The following PAK1 variants were observed in gnomAD, a reference collection of about 807,000 sequenced individuals.
PAK1 encodes the protein serine/threonine-protein kinase PAK 1.
In PAK1, 29 loss-of-function variants were observed where a neutral mutation model predicts 67.4. That is an observed-to-expected ratio of 0.43 (90% confidence interval 0.32 to 0.59). PAK1 has a LOEUF of 0.59. Ranked by LOEUF, PAK1 falls within the 20% of genes least tolerant of loss-of-function variation. The probability of loss-of-function intolerance (pLI) is 0.07; values close to 1 mark genes in which losing one functional copy is unlikely to be tolerated. For missense variants in PAK1, 337 were observed against 670.7 expected, an observed-to-expected ratio of 0.50 and a Z score of 5.50; for synonymous variants, 223 against 237.4, an observed-to-expected ratio of 0.94 and a Z score of 0.56.
At chr11:77,419,647 G>A (rs1955153206) in intron 1 of PAK1, among the ~76,000 whole-genome samples, 1 of 152,152 alleles carries the variant, frequency 6.6e-6, no homozygotes, top group Non-Finnish European at 1.5e-5. Flanking sequence ...TTTTTACTGG[G>A]TTCTTTTGCA....
chr11:77,327,509 C>A (rs1386913255), intron 14 of PAK1, among the ~76,000 whole-genome samples: 38 of 152,186 alleles, frequency 2.5e-4, no homozygotes, highest in Non-Finnish European at 2.1e-4. Context: ...AATTTTCAAC[C>A]CAGAATTTCA....
chr11:77,379,707 C>T (rs186014317), intron 3 of PAK1, among the ~76,000 whole-genome samples, 187 bp downstream of exon 3: 7 of 152,236 alleles, frequency 4.6e-5, no homozygotes, highest in East Asian at 1.9e-4. Flanking sequence ...ATTTAAGGAA[C>T]GGAGATGGAA....
rs7112179 is a variant in PAK1 at position 77,437,434 on chromosome 11, G to A, written c.-22+36118C>T. ...GGCTTAGAACAGTGTCTGGTACACA[G>A]TGAGTGCTAAATAAGATTATAATAA... is the stretch of plus-strand genomic sequence containing the variant. On this transcript the variant is annotated intron_variant, in intron 1 of 14. Coordinates refer to ENST00000356341, the MANE Select transcript of PAK1 (RefSeq NM_002576.5). Among the ~76,000 whole-genome samples the A allele has an allele frequency of 5.7e-3, 868 of 152,334 alleles. 5 individuals carry two copies. The highest frequency in any genetic ancestry group is 0.02 in the African/African-American group (823 of 41,576).
chr11:77,381,456 A>G (rs1371425929), intron 2 of PAK1, among the ~76,000 whole-genome samples: 3 of 152,236 alleles, frequency 2.0e-5, no homozygotes, highest in African/African-American at 4.8e-5. Context: ...AGACTTGCCT[A>G]CAATCATTAA....
chr11:77,465,427 TTA>T (rs1449637894), intron 1 of PAK1, among the ~76,000 whole-genome samples: 2 of 152,076 alleles, frequency 1.3e-5, no homozygotes, highest in Non-Finnish European at 2.9e-5. Flanking sequence ...AGCACAAAAA[TTA>T]TATATATAAT....
At chr11:77,460,845 T>C (rs1957312618) in intron 1 of PAK1, among the ~76,000 whole-genome samples, 2 of 152,024 alleles carry the variant, frequency 1.3e-5, no homozygotes, top group South Asian at 4.1e-4. Context: ...CTGTGATATA[T>C]GAGGCAAAGT....
chr11:77,472,365 G>C (rs934908959), intron 1 of PAK1, among the ~76,000 whole-genome samples: 9 of 152,182 alleles, frequency 5.9e-5, no homozygotes, highest in African/African-American at 2.2e-4. Flanking sequence ...GAACCAAAAT[G>C]TTGTAAGTGC....
the PAK1 span, among the ~76,000 whole-genome samples, chr11:77,495,415 A>G: frequency 1.3e-5 from 2 of 152,158 alleles, no homozygotes; most frequent in East Asian, 1.9e-4. Flanking sequence ...TAGAGGTTGT[A>G]GTGAGCCAAG....
At chr11:77,482,567 A>G in the PAK1 span, among the ~76,000 whole-genome samples, 1 of 151,476 alleles carries the variant, frequency 6.6e-6, no homozygotes, top group African/African-American at 2.4e-5. Flanking sequence ...ATGTCTAAAA[A>G]TGATTTTATT....
the PAK1 span, among the ~76,000 whole-genome samples, chr11:77,490,294 C>CCT: frequency 1.1e-5 from 1 of 87,532 alleles, no homozygotes; most frequent in African/African-American, 5.2e-5. Flanking sequence ...GGGTCAGCCC[C>CCT]CCCACCCGGC....
intron 1 of PAK1, among the ~76,000 whole-genome samples, chr11:77,439,360 T>C (rs927656224): frequency 3.9e-5 from 6 of 151,972 alleles, no homozygotes; most frequent in African/African-American, 1.4e-4. Flanking sequence ...AAATTATATA[T>C]ATACATAAAA....
intron 1 of PAK1, among the ~76,000 whole-genome samples, chr11:77,413,288 A>T (rs1365470506): frequency 6.6e-6 from 1 of 152,242 alleles, no homozygotes; most frequent in African/African-American, 2.4e-5. Context: ...AACTTCTCTC[A>T]GAGGTTCAGG....
chr11:77,472,049 C>A (rs919848519), intron 1 of PAK1, among the ~76,000 whole-genome samples: 1 of 152,110 alleles, frequency 6.6e-6, no homozygotes, highest in African/African-American at 2.4e-5. Context: ...TCTACCTCAC[C>A]CATTAGACTT....
At chr11:77,414,188 T>C (rs2852391) in intron 1 of PAK1, among the ~76,000 whole-genome samples, 2,795 of 152,344 alleles carry the variant, frequency 0.018, 144 homozygotes, top group East Asian at 0.18. Flanking sequence ...CCCTCCACTT[T>C]TTCTCTTCTC....
chr11:77,494,690 C>T, the PAK1 span, among the ~76,000 whole-genome samples: 89 of 151,264 alleles, frequency 5.9e-4, no homozygotes, highest in African/African-American at 1.8e-3. Context: ...ATGATACAGA[C>T]ACCATGGAAA....
At position 77,358,944 on chromosome 11, in the gene PAK1, G is replaced by GCAT. The variant is rs149665907; in HGVS notation, c.548_550dup (p.Asp183dup). 2.5e-3 allele frequency: 4,085 copies of GCAT among 1,612,942 alleles called. 10 individuals carry two copies. The highest frequency in any genetic ancestry group is 3.1e-3 in the Non-Finnish European group (3,686 of 1,179,140). ...TGGAGCAATCACTGGTGGTGGGGTA[G>GCAT]CATCATCATCATCATCATCCTCATC... On this transcript the variant is annotated inframe_insertion, in exon 6 of 15. Transcript: ENST00000356341.
chr11:77,442,959 A>C (rs1448542615), intron 1 of PAK1, among the ~76,000 whole-genome samples: 1 of 152,186 alleles, frequency 6.6e-6, no homozygotes, highest in Admixed American at 6.5e-5. Flanking sequence ...ATACAGAGAT[A>C]TCACCTTCCT....
At chr11:77,457,155 A>C (rs180990024) in intron 1 of PAK1, among the ~76,000 whole-genome samples, 197 of 152,358 alleles carry the variant, frequency 1.3e-3, no homozygotes, top group Admixed American at 2.0e-3. Context: ...CACAGGATTC[A>C]ATGTTAGGTC....
the PAK1 span, among the ~76,000 whole-genome samples, chr11:77,483,375 G>A: frequency 6.6e-6 from 1 of 152,166 alleles, no homozygotes; most frequent in Non-Finnish European, 1.5e-5. Flanking sequence ...AATGGGATGA[G>A]GAAAGTGAGG....
Sources: allele counts gnomAD v4.1 joint callset (sites outside exome capture counted in the v4.1 genomes callset), GRCh38; gene constraint gnomAD v4.1.1; transcripts MANE v1.5; gene names NCBI Gene and HGNC (gene_info 2026-07-23, HGNC 2026-07-21).